Variants in RNF111 observed in about 807,000 individuals in gnomAD.
The protein encoded by RNF111 is ring finger protein 111, also known as E3 ubiquitin-protein ligase Arkadia.
Under a neutral mutation model 95.1 loss-of-function variants are expected in RNF111, and 17 were observed. That is an observed-to-expected ratio of 0.18 (90% CI 0.12 to 0.27). The LOEUF (loss-of-function observed/expected upper bound fraction) is 0.27. Among genes scored for constraint, RNF111 ranks in the 10% least tolerant of loss-of-function variants. The probability of loss-of-function intolerance (pLI) is 1.00; values close to 1 mark genes in which losing one functional copy is unlikely to be tolerated. For synonymous variants in RNF111, 440 were observed against 414.8 expected (o/e 1.06, Z -0.74); for missense variants, 1,189 against 1,210.4 (o/e 0.98, Z 0.26).
At chr15:59,005,707 C>T (rs1284140334) in intron 1 of RNF111, among the ~76,000 whole-genome samples, 5 of 151,924 alleles carry the variant, frequency 3.3e-5, no homozygotes, top group African/African-American at 7.3e-5. Context: ...ATGTGGTGAT[C>T]GTGGGTAGGG....
At chr15:59,076,832 A>G (rs1244256934) in intron 7 of RNF111, among the ~76,000 whole-genome samples, 1 of 152,252 alleles carries the variant, frequency 6.6e-6, no homozygotes, top group Non-Finnish European at 1.5e-5. Flanking sequence ...ATGAAATGAA[A>G]GCTTAATAAA....
chr15:59,061,731 G>T (rs1197393673), intron 5 of RNF111, among the ~76,000 whole-genome samples: 1 of 151,740 alleles, frequency 6.6e-6, no homozygotes, highest in Non-Finnish European at 1.5e-5. Flanking sequence ...TATCTTCCTT[G>T]TGTCTTCGGC....
intron 2 of RNF111, among the ~76,000 whole-genome samples, chr15:59,038,240 T>C (rs1359634652): frequency 6.6e-6 from 1 of 152,182 alleles, no homozygotes; most frequent in Non-Finnish European, 1.5e-5. Context: ...CCATGAGTGA[T>C]GCATCACTAG....
At chr15:59,012,276 C>G (rs1366284661) in intron 1 of RNF111, among the ~76,000 whole-genome samples, 1 of 151,948 alleles carries the variant, frequency 6.6e-6, no homozygotes, top group African/African-American at 2.4e-5. Flanking sequence ...GCCTAGGCCT[C>G]CCAAAATGTT....
At chr15:59,034,901 A>G (rs559383707) in intron 2 of RNF111, among the ~76,000 whole-genome samples, 65 of 152,318 alleles carry the variant, frequency 4.3e-4, no homozygotes, top group South Asian at 6.2e-4. Flanking sequence ...CAACTTTTTC[A>G]TACAATGTGC....
At chr15:59,066,567 C>T (rs1195172550) in intron 5 of RNF111, among the ~76,000 whole-genome samples, 197 bp from the exon 6 acceptor site, 2 of 152,030 alleles carry the variant, frequency 1.3e-5, no homozygotes, top group Admixed American at 6.6e-5. Context: ...CAAGATGGCG[C>T]CACTGCACTC....
intron 6 of RNF111, among the ~76,000 whole-genome samples, chr15:59,073,997 TTTTC>T (rs2043058520): frequency 6.6e-6 from 1 of 152,220 alleles, no homozygotes; most frequent in Non-Finnish European, 1.5e-5. Context: ...GAAACAGCAA[TTTTC>T]TTTTTTCTTT....
chr15:59,055,557 C>T (rs965264169), intron 3 of RNF111, 125 bp from the exon 4 acceptor site: 3 of 611,890 alleles, frequency 4.9e-6, no homozygotes, highest in Non-Finnish European at 5.0e-6. Flanking sequence ...TTTTTAATTA[C>T]GATTATTTCT....
Position 59,031,486 on chromosome 15 carries a change from T to G in RNF111, c.664T>G (p.Ser222Ala), listed in dbSNP as rs546998708. The change falls in exon 2 of 14, where the codon TCA becomes GCA. Residue 222 changes from serine (S) to alanine (A), a missense_variant. Ser to Ala is a moderately conservative substitution (Grantham distance 99, BLOSUM62 1). Coordinates refer to ENST00000348370, the MANE Select transcript of RNF111 (RefSeq NM_017610.8). ...AAAGAGATTTGTAAAAAATAATTCC[T>G]CACAGAGGACACAGAAACAAAAAGA... ...CRKRFVKNNS[S>A]QRTQKQKERI... The G allele has an allele frequency of 6.2e-7, 1 of 1,614,146 alleles. No homozygotes were observed. Among genetic ancestry groups the G allele is most frequent in the East Asian group, 2.2e-5 (1 of 44,882 alleles).
intron 2 of RNF111, among the ~76,000 whole-genome samples, chr15:59,047,216 C>T (rs1324358008): frequency 6.6e-6 from 1 of 152,172 alleles, no homozygotes; most frequent in Middle Eastern, 3.2e-3. Context: ...TAAAATTAGG[C>T]TTGGCACGGT....
chr15:59,031,637 A>C lies in RNF111; in HGVS notation c.815A>C (p.Glu272Ala). The C allele has an allele frequency of 6.2e-6, 10 of 1,614,176 alleles. No individual in the cohort carries two copies. The highest frequency in any genetic ancestry group is 7.6e-6 in the Non-Finnish European group (9 of 1,180,026). The change falls in exon 2 of 14, where the codon GAA becomes GCA. Residue 272 changes from glutamate (E) to alanine (A), a missense_variant. Physicochemically the swap from Glu to Ala is moderately radical, Grantham distance 107. Around this residue, in one of 2 missense-constraint regions of RNF111, gnomAD observed 1,024 missense variants for 925.9 expected, o/e 1.11. Transcript: ENST00000348370. ...SSESSSSSST[E>A]GEEDLFVSAS... ...GAATCCTCTTCTAGCTCATCAACTG[A>C]AGGAGAAGAAGATTTGTTTGTTTCT...
At chr15:58,999,540 T>G (rs1382658752) in intron 1 of RNF111, among the ~76,000 whole-genome samples, 1 of 152,150 alleles carries the variant, frequency 6.6e-6, no homozygotes, top group African/African-American at 2.4e-5. Context: ...TTCACTATGT[T>G]TCCCAGGCTG....
intron 7 of RNF111, among the ~76,000 whole-genome samples, chr15:59,079,910 C>G (rs2078686826): frequency 6.6e-6 from 1 of 151,736 alleles, no homozygotes; most frequent in Non-Finnish European, 1.5e-5. Context: ...ATGTTTACAC[C>G]CTATTATGAC....
intron 1 of RNF111, among the ~76,000 whole-genome samples, chr15:59,014,068 G>A (rs2039955947): frequency 6.6e-6 from 1 of 152,144 alleles, no homozygotes; most frequent in Admixed American, 6.6e-5. Flanking sequence ...TAGGATTACA[G>A]GTGTGAGCCA....
chr15:59,066,336 T>C (rs2042654298), intron 5 of RNF111, among the ~76,000 whole-genome samples: 1 of 151,812 alleles, frequency 6.6e-6, no homozygotes. Context: ...TCAGCCGGGG[T>C]GTGGTGGCTC....
rs2038639009 is a variant in RNF111 at position 58,987,986 on chromosome 15, T to G, written c.-102T>G. ...AGATCGCTGGCTCTCGACGCATTAC[T>G]CTTTACGCCTTACATTTCTGTCTTC... On this transcript the variant is annotated 5_prime_UTR_variant, in exon 1 of 14. Coordinates refer to ENST00000348370, the MANE Select transcript of RNF111 (RefSeq NM_017610.8). 1 of 152,202 alleles carries G rather than the reference T, an allele frequency of 6.6e-6. No individual in the cohort carries two copies. The highest frequency in any genetic ancestry group is 2.0e-4 in the South Asian group (1 of 4,902). 9.4% of individuals were successfully genotyped at this position (152,202 alleles called of 1,614,324 possible).
chr15:59,095,342 G>A lies in RNF111; in HGVS notation c.*442G>A. The A allele has an allele frequency of 6.0e-6, 1 of 167,422 alleles. No individual in the cohort carries two copies. The highest frequency in any genetic ancestry group is 1.5e-4 in the South Asian group (1 of 6,464). 10.4% of individuals were successfully genotyped at this position (167,422 alleles called of 1,614,324 possible). On this transcript the variant is annotated 3_prime_UTR_variant, in exon 14 of 14. Coordinates refer to ENST00000348370, the MANE Select transcript of RNF111 (RefSeq NM_017610.8). ...CATGTACTTTAGTTTAATGTATAAAGATCCTCTAGAAAATGATAATATTGT... is the reference window on the plus strand; with the variant it reads ...CATGTACTTTAGTTTAATGTATAAAAATCCTCTAGAAAATGATAATATTGT...
rs1010938612 is a variant in RNF111 at position 59,096,096 on chromosome 15, G to C, written c.*1196G>C. ...CATACATTACCAAGAGTCGATCACT[G>C]ATTTAAAATTTTTAATTTCTATAGT... On this transcript the variant is annotated 3_prime_UTR_variant, in exon 14 of 14. Coordinates refer to ENST00000348370, the MANE Select transcript of RNF111 (RefSeq NM_017610.8). 7.5e-6 allele frequency: 3 copies of C among 398,524 alleles called. No homozygotes were observed. The East Asian group carries it at 1.1e-4, about 14-fold the overall frequency. The allele number at this position is 398,524 out of a possible 1,614,324, so 24.7% of individuals were successfully genotyped here. A position where few individuals can be genotyped will look rare whatever the true frequency, so the allele number is the denominator to read the frequency against.
At chr15:59,072,032 G>A (rs531841163) in intron 6 of RNF111, among the ~76,000 whole-genome samples, 1 of 152,120 alleles carries the variant, frequency 6.6e-6, no homozygotes, top group South Asian at 2.1e-4. Flanking sequence ...ATACCTTATT[G>A]TACATGTTTC....
Sources: allele counts gnomAD v4.1 joint callset (sites outside exome capture counted in the v4.1 genomes callset), GRCh38; gene constraint gnomAD v4.1.1; regional missense constraint gnomAD v4.1.1; transcripts MANE v1.5; gene names NCBI Gene and HGNC (gene_info 2026-07-23, HGNC 2026-07-21).